The following LRMDA variants were observed in gnomAD, a reference collection of about 807,000 sequenced individuals.
LRMDA encodes the protein leucine-rich melanocyte differentiation-associated protein.
LRMDA carries 18 observed loss-of-function variants against 29.8 expected under a neutral mutation model. The observed-to-expected ratio is 0.60, with a 90% CI of 0.42 to 0.90. The LOEUF (loss-of-function observed/expected upper bound fraction) is 0.90. LRMDA is among the 40% of genes least tolerant of loss of function. LRMDA has a pLI of 0.00. For missense variants in LRMDA, 273 were observed against 273.9 expected (o/e 1.00, Z 0.02); for synonymous variants, 125 against 109.4 (o/e 1.14, Z -0.89).
intron 2 of LRMDA, among the ~76,000 whole-genome samples, chr10:75,509,279 T>C (rs918479731): frequency 3.9e-5 from 6 of 152,178 alleles, no homozygotes; most frequent in Non-Finnish European, 5.9e-5. Context: ...TATATGTGTA[T>C]ATGTGTGTGT....
chr10:75,939,168 G>A (rs1439802163), intron 2 of LRMDA, among the ~76,000 whole-genome samples: 2 of 152,180 alleles, frequency 1.3e-5, no homozygotes, highest in Non-Finnish European at 2.9e-5. Context: ...ATACCTTCCA[G>A]TGGTGAGGGG....
intron 2 of LRMDA, among the ~76,000 whole-genome samples, chr10:75,991,604 T>C (rs1274202738): frequency 6.6e-6 from 1 of 152,208 alleles, no homozygotes; most frequent in East Asian, 1.9e-4. Context: ...AAGTGCTGAA[T>C]TGAGAAAAAT....
At chr10:76,184,453 A>G (rs1851110424) in intron 5 of LRMDA, among the ~76,000 whole-genome samples, 1 of 152,256 alleles carries the variant, frequency 6.6e-6, no homozygotes, top group Non-Finnish European at 1.5e-5. Flanking sequence ...TTAACAAAAG[A>G]ATAGAGAAAA....
chr10:76,039,283 A>C (rs1258114841), intron 3 of LRMDA, among the ~76,000 whole-genome samples: 2 of 152,198 alleles, frequency 1.3e-5, no homozygotes, highest in African/African-American at 4.8e-5. Flanking sequence ...ATTTTACTTT[A>C]TATTTGTGAT....
intron 5 of LRMDA, among the ~76,000 whole-genome samples, chr10:76,189,112 C>T (rs1262959667): frequency 6.6e-6 from 1 of 152,150 alleles, no homozygotes; most frequent in Admixed American, 6.5e-5. Flanking sequence ...AATGCCAGCA[C>T]TTTTGGAAGC....
At chr10:75,451,689 C>T (rs1589148108) in intron 2 of LRMDA, 1 of 152,064 alleles carries the variant, frequency 6.6e-6, no homozygotes, top group African/African-American at 2.4e-5. Context: ...TTGCTTTTGA[C>T]TTACTACACT....
intron 6 of LRMDA, among the ~76,000 whole-genome samples, chr10:76,455,694 AG>A (rs1842450146): frequency 6.6e-6 from 1 of 152,210 alleles, no homozygotes; most frequent in Non-Finnish European, 1.5e-5. Flanking sequence ...AGCAGATGAA[AG>A]CATAAAAATT....
At chr10:75,778,692 T>C (rs1843343385) in intron 2 of LRMDA, among the ~76,000 whole-genome samples, 1 of 152,182 alleles carries the variant, frequency 6.6e-6, no homozygotes, top group Non-Finnish European at 1.5e-5. Flanking sequence ...ATGAAATATT[T>C]AAGAGCAACA....
At chr10:76,256,661 T>G (rs1232191925) in intron 5 of LRMDA, among the ~76,000 whole-genome samples, 2 of 152,244 alleles carry the variant, frequency 1.3e-5, no homozygotes, top group East Asian at 3.8e-4. Context: ...GCTGTCAATC[T>G]AAGTTCTAAG....
intron 2 of LRMDA, among the ~76,000 whole-genome samples, chr10:75,971,180 T>C (rs192856344): frequency 1.3e-5 from 2 of 152,314 alleles, no homozygotes; most frequent in East Asian, 3.9e-4. Flanking sequence ...GAAATTCACA[T>C]TGGTCTGTTT....
At chr10:76,362,250 C>G (rs1290174117) in intron 6 of LRMDA, among the ~76,000 whole-genome samples, 2 of 152,140 alleles carry the variant, frequency 1.3e-5, no homozygotes, top group Non-Finnish European at 2.9e-5. Flanking sequence ...CAAATGTGAT[C>G]GTGATTTTTG....
chr10:76,422,435 C>T (rs1842080561), intron 6 of LRMDA, among the ~76,000 whole-genome samples: 1 of 152,102 alleles, frequency 6.6e-6, no homozygotes, highest in Non-Finnish European at 1.5e-5. Context: ...CTCTCACTCT[C>T]ATCAAATTAT....
At chr10:76,308,446 A>G (rs11001725) in intron 5 of LRMDA, among the ~76,000 whole-genome samples, 22,978 of 152,122 alleles carry the variant, frequency 0.15, 3,050 homozygotes, top group African/African-American at 0.36. Flanking sequence ...GGCCCCAGGA[A>G]AGGCCGTGCT....
chr10:76,463,224 C>A (rs1434792110), intron 6 of LRMDA, among the ~76,000 whole-genome samples: 1 of 152,176 alleles, frequency 6.6e-6, no homozygotes, highest in Admixed American at 6.5e-5. Flanking sequence ...TAAACCACAA[C>A]TTCAATACTG....
intron 2 of LRMDA, among the ~76,000 whole-genome samples, chr10:75,634,117 G>A (rs904989857): frequency 7.2e-5 from 11 of 152,036 alleles, no homozygotes; most frequent in African/African-American, 1.2e-4. Flanking sequence ...AAAATATCCC[G>A]GTAAACTAGC....
intron 6 of LRMDA, among the ~76,000 whole-genome samples, chr10:76,477,637 C>T (rs1842689387): frequency 6.6e-6 from 1 of 152,152 alleles, no homozygotes; most frequent in Non-Finnish European, 1.5e-5. Flanking sequence ...CATCACACTA[C>T]CTGACTTCAA....
chr10:75,640,183 A>G (rs1205927428), intron 2 of LRMDA, among the ~76,000 whole-genome samples: 1 of 134,736 alleles, frequency 7.4e-6, no homozygotes, highest in Non-Finnish European at 1.6e-5. Context: ...AATTAAATGC[A>G]CCTGGTTTCA....
chr10:76,384,327 A>C (rs1589160606), intron 6 of LRMDA, among the ~76,000 whole-genome samples: 1 of 152,236 alleles, frequency 6.6e-6, no homozygotes, highest in African/African-American at 2.4e-5. Flanking sequence ...TATATGCCAG[A>C]TACCTTGGCG....
chr10:75,597,357 T>C (rs1840804306), intron 2 of LRMDA, among the ~76,000 whole-genome samples: 1 of 152,150 alleles, frequency 6.6e-6, no homozygotes, highest in South Asian at 2.1e-4. Flanking sequence ...TTGAGGGTAG[T>C]TAAAACAATG....
Sources: gnomAD v4.1 joint callset for allele counts (sites outside exome capture counted in the v4.1 genomes callset) on GRCh38, gnomAD v4.1.1 for gene constraint, MANE v1.5 for transcripts, NCBI Gene and HGNC (gene_info 2026-07-23, HGNC 2026-07-21) for gene names.